Variants in RP1L1 observed in about 807,000 individuals in gnomAD.
RP1L1 encodes the protein RP1 like 1, also known as retinitis pigmentosa 1-like 1 protein.
In RP1L1, 27 loss-of-function variants were observed where a neutral mutation model predicts 15.7. The ratio of observed to expected loss-of-function variants is 1.72; its 90% CI spans 1.27 to 2.38. The LOEUF is 2.38. RP1L1 is among the 30% of genes most tolerant of loss of function. The probability of loss-of-function intolerance (pLI) is 0.00; values close to 1 mark genes in which losing one functional copy is unlikely to be tolerated. For missense variants in RP1L1, 4,798 were observed against 3,075.9 expected, an observed-to-expected ratio of 1.56 and a Z score of -13.24; for synonymous variants, 1,813 against 1,276.7, an observed-to-expected ratio of 1.42 and a Z score of -8.96.
intron 2 of RP1L1, among the ~76,000 whole-genome samples, chr8:10,618,260 G>A (rs576022824): frequency 6.6e-6 from 1 of 152,150 alleles, no homozygotes; most frequent in East Asian, 1.9e-4. Flanking sequence ...AGCACTTTGG[G>A]GGGCCGAGGT....
Position 10,607,842 on chromosome 8 carries a change from C to G in RP1L1, c.6256G>C (p.Asp2086His). ...GEAHPESEDV[D>H]AQEAEGEAQP... ...GCCTCCCCTTCTGCCTCCTGGGCAT[C>G]TACATCTTCTGACTCTGGGTGGGCC... Residue 2086 changes from aspartate to histidine, a missense_variant, in exon 4 of 4, where the codon GAT becomes CAT. Physicochemically the swap from Asp to His is moderately conservative, Grantham distance 81. Coordinates refer to ENST00000382483, the MANE Select transcript of RP1L1 (RefSeq NM_178857.6). The G allele has an allele frequency of 1.9e-6, 3 of 1,592,548 alleles. No individual in the cohort carries two copies. The highest frequency in any genetic ancestry group is 2.6e-6 in the Non-Finnish European group (3 of 1,165,674).
At chr8:10,645,815 A>AT (rs1174775916) in intron 1 of RP1L1, among the ~76,000 whole-genome samples, 3 of 152,108 alleles carry the variant, frequency 2.0e-5, no homozygotes, top group African/African-American at 7.2e-5. Flanking sequence ...ACGCTCACCT[A>AT]TTGGCCACCA....
chr8:10,631,339 A>ACACACGCC (rs1554456618), intron 1 of RP1L1, among the ~76,000 whole-genome samples: 2 of 61,964 alleles, frequency 3.2e-5, no homozygotes, highest in African/African-American at 7.9e-5. Context: ...ACACATGCAC[A>ACACACGCC]CACACGCACA....
intron 2 of RP1L1, 25 bp from the exon 3 acceptor site, chr8:10,616,612 G>C (rs1319148907): frequency 6.2e-7 from 1 of 1,602,002 alleles, no homozygotes; most frequent in African/African-American, 1.3e-5. Flanking sequence ...GGCGGGGTCA[G>C]GAGGCCTGGG....
At chr8:10,652,364 T>C (rs1005928078) in intron 1 of RP1L1, among the ~76,000 whole-genome samples, 3 of 152,088 alleles carry the variant, frequency 2.0e-5, no homozygotes, top group East Asian at 1.9e-4. Flanking sequence ...TCCAGAAGGG[T>C]TGGGGGCCTC....
chr8:10,640,406 T>A (rs1798389526), intron 1 of RP1L1, among the ~76,000 whole-genome samples: 1 of 152,196 alleles, frequency 6.6e-6, no homozygotes, highest in South Asian at 2.1e-4. Flanking sequence ...ATTCCTGTAA[T>A]CCCAGCCCTC....
chr8:10,611,003 C>G lies in RP1L1; in HGVS notation c.3095G>C (p.Ser1032Thr). The change falls in exon 4 of 4, where the codon AGT becomes ACT. Residue 1032 changes from serine (S) to threonine (T), a missense_variant. Coordinates refer to ENST00000382483, the MANE Select transcript of RP1L1 (RefSeq NM_178857.6). ...PEPEGALLGS[S>T]DTGPQSGEGV... ...CTCTCCTGATTGGGGACCAGTGTCA[C>G]TACTCCCCAGGAGGGCTCCCTCTGG... is the stretch of plus-strand genomic sequence containing the variant. 1.2e-6 allele frequency: 2 copies of G among 1,612,686 alleles called. No individual in the cohort carries two copies. The highest frequency in any genetic ancestry group is 2.2e-5 in the East Asian group (1 of 44,870).
chr8:10,612,144 T>C lies in RP1L1; in HGVS notation c.1954A>G (p.Ser652Gly). ...GCCACTCGGCCAAGGCCAGGGCTGC[T>C]GGGTGAGGACATTGCACTGGCCCGG... ...RSRASAMSSP[S>G]SPGLGRVAPR... The change falls in exon 4 of 4, where the codon AGC becomes GGC. Residue 652 changes from serine (S) to glycine (G), a missense_variant. Physicochemically the swap from Ser to Gly is moderately conservative, Grantham distance 56 (BLOSUM62 0). Coordinates refer to ENST00000382483, the MANE Select transcript of RP1L1 (RefSeq NM_178857.6). 1 of 1,613,578 alleles carries C rather than the reference T, an allele frequency of 6.2e-7. No homozygotes were observed. Among genetic ancestry groups the C allele is most frequent in the Non-Finnish European group, 8.5e-7 (1 of 1,180,020 alleles).
rs757299078 is a variant in RP1L1, at chr8:10,608,904, G to A, written c.5194C>T (p.Pro1732Ser). The change falls in exon 4 of 4, where the codon CCG becomes TCG. Residue 1732 changes from proline (P) to serine (S), a missense_variant. Physicochemically the swap from Pro to Ser is moderately conservative, Grantham distance 74. Transcript: ENST00000382483. ...ACTCCAGGCCCCTGGCTCAGCCCCG[G>A]CCCCAGCCCTCCCTCAGCTCCCTGG... is the stretch of plus-strand genomic sequence containing the variant. ...TVQGAEGGLGPGLSQGPGVDE... is the reference protein window; with the variant it reads ...TVQGAEGGLGSGLSQGPGVDE... 2.5e-6 allele frequency: 4 copies of A among 1,613,836 alleles called. No homozygotes were observed. Among genetic ancestry groups the A allele is most frequent in the African/African-American group, 2.7e-5 (2 of 74,888 alleles).
Position 10,608,475 on chromosome 8 carries a change from C to G in RP1L1, c.5623G>C (p.Glu1875Gln). Reference sequence around the variant, plus strand: ...GCCTCTCCTTCTGCCTCTGGGGCCTCTACATCTTCTGACTCTGGCTGGGCC... The same window carrying G: ...GCCTCTCCTTCTGCCTCTGGGGCCTGTACATCTTCTGACTCTGGCTGGGCC... ...GEAQPESEDV[E>Q]APEAEGEAQP... Residue 1875 changes from glutamate to glutamine, a missense_variant, in exon 4 of 4, where the codon GAG becomes CAG. Physicochemically the swap from Glu to Gln is conservative, Grantham distance 29 (BLOSUM62 2). Transcript: ENST00000382483. 6.2e-7 allele frequency: 1 copy of G among 1,605,154 alleles called. No individual in the cohort carries two copies. Among genetic ancestry groups the G allele is most frequent in the Non-Finnish European group, 8.5e-7 (1 of 1,176,496 alleles).
intron 1 of RP1L1, among the ~76,000 whole-genome samples, chr8:10,626,525 G>T (rs1798160112): frequency 6.6e-6 from 1 of 152,138 alleles, no homozygotes; most frequent in Non-Finnish European, 1.5e-5. Context: ...GGTCCACACG[G>T]GCTGCATGGG....
chr8:10,620,737 G>T (rs182673799), intron 2 of RP1L1, among the ~76,000 whole-genome samples: 61 of 152,332 alleles, frequency 4.0e-4, no homozygotes, highest in Admixed American at 1.6e-3. Flanking sequence ...GGGGTGGCTG[G>T]TTCTGATTGT....
intron 1 of RP1L1, among the ~76,000 whole-genome samples, chr8:10,625,886 A>G (rs949414543): frequency 2.0e-5 from 3 of 151,850 alleles, no homozygotes; most frequent in Admixed American, 6.6e-5. Context: ...AGGCTGAGTC[A>G]GTGCAGGTGG....
Position 10,606,717 on chromosome 8 carries a change from C to G in RP1L1, c.*178G>C. The G allele has an allele frequency of 1.9e-6, 2 of 1,070,876 alleles. No homozygotes were observed. Among genetic ancestry groups the G allele is most frequent in the East Asian group, 2.6e-5 (1 of 38,536 alleles). The allele number at this position is 1,070,876 out of a possible 1,614,324, so 66.3% of individuals were successfully genotyped here. A position where few individuals can be genotyped will look rare whatever the true frequency, so the allele number is the denominator to read the frequency against. ...GGACGGGCCGCAGAGCTCTCTGACACTTCTGGACTTAAGAGTCCCAGGACA... is the reference window on the plus strand; with the variant it reads ...GGACGGGCCGCAGAGCTCTCTGACAGTTCTGGACTTAAGAGTCCCAGGACA... On this transcript the variant is annotated 3_prime_UTR_variant, in exon 4 of 4. Coordinates refer to ENST00000382483, the MANE Select transcript of RP1L1 (RefSeq NM_178857.6).
At chr8:10,647,493 A>C (rs1330583480) in intron 1 of RP1L1, among the ~76,000 whole-genome samples, 1 of 151,524 alleles carries the variant, frequency 6.6e-6, no homozygotes, top group African/African-American at 2.4e-5. Flanking sequence ...CTCCATCCTC[A>C]TTTCTCCTCT....
At chr8:10,631,899 G>C (rs992113801) in intron 1 of RP1L1, among the ~76,000 whole-genome samples, 9 of 152,340 alleles carry the variant, frequency 5.9e-5, no homozygotes, top group Middle Eastern at 3.4e-3. Context: ...GGGCGGATTT[G>C]GAGTCAGGCC....
At chr8:10,651,318 G>A in intron 1 of RP1L1, among the ~76,000 whole-genome samples, 1 of 152,368 alleles carries the variant, frequency 6.6e-6, no homozygotes, top group Middle Eastern at 3.4e-3. Context: ...GAGTGCTGCA[G>A]CGCTCTCTCT....
chr8:10,635,636 C>G (rs1217306941), intron 1 of RP1L1, among the ~76,000 whole-genome samples: 3 of 152,186 alleles, frequency 2.0e-5, no homozygotes, highest in Non-Finnish European at 4.4e-5. Flanking sequence ...GTGCCCAGAG[C>G]CTCCATTTTC....
Position 10,608,614 on chromosome 8 carries a change from C to G in RP1L1, c.5484G>C (p.Gln1828His), listed in dbSNP as rs977623581. Residue 1828 changes from glutamine to histidine, a missense_variant, in exon 4 of 4, where the codon CAG becomes CAC. Coordinates refer to ENST00000382483, the MANE Select transcript of RP1L1 (RefSeq NM_178857.6). ...AAAGGDQDPG[Q>H]SDGAEGIEAP... is the part of the protein sequence containing the mutation. Reference sequence around the variant, plus strand: ...CCTCTATGCCTTCGGCCCCATCACTCTGTCCTGGATCTTGGTCACCTCCTG... The same window carrying G: ...CCTCTATGCCTTCGGCCCCATCACTGTGTCCTGGATCTTGGTCACCTCCTG... 3.1e-6 allele frequency: 5 copies of G among 1,614,198 alleles called. No homozygotes were observed. Among genetic ancestry groups the G allele is most frequent in the African/African-American group, 1.3e-5 (1 of 75,050 alleles).
Sources: gnomAD v4.1 joint callset for allele counts (sites outside exome capture counted in the v4.1 genomes callset) on GRCh38, gnomAD v4.1.1 for gene constraint, MANE v1.5 for transcripts, NCBI Gene and HGNC (gene_info 2026-07-23, HGNC 2026-07-21) for gene names.